LRRC4C: variants seen among roughly 807,000 people sequenced by gnomAD.
LRRC4C encodes the protein leucine rich repeat containing 4C.
In LRRC4C, 5 loss-of-function variants were observed where a neutral mutation model predicts 33.6. The ratio of observed to expected loss-of-function variants is 0.15; its 90% CI spans 0.08 to 0.31. The LOEUF (loss-of-function observed/expected upper bound fraction) is 0.31, where lower values mean the gene tolerates loss of function less well. Ranked by LOEUF, LRRC4C falls within the 10% of genes least tolerant of loss-of-function variation. The pLI, the probability that LRRC4C is intolerant of heterozygous loss-of-function variation, is 1.00. For missense variants in LRRC4C, 560 were observed against 796.7 expected (o/e 0.70, Z 3.58); for synonymous variants, 329 against 302.0 (o/e 1.09, Z -0.93).
intron 2 of LRRC4C, among the ~76,000 whole-genome samples, chr11:40,848,392 C>T (rs1953303623): frequency 2.0e-5 from 3 of 152,064 alleles, no homozygotes; most frequent in Admixed American, 1.3e-4. Flanking sequence ...TTTCGGTCTT[C>T]CTTTCATTAT....
chr11:40,761,282 T>C (rs1949198712), intron 2 of LRRC4C, among the ~76,000 whole-genome samples: 1 of 152,246 alleles, frequency 6.6e-6, no homozygotes, highest in South Asian at 2.1e-4. Flanking sequence ...AAAATTGCAG[T>C]GTTAACTATA....
chr11:40,625,982 C>T (rs1358512417), intron 3 of LRRC4C, among the ~76,000 whole-genome samples: 1 of 152,108 alleles, frequency 6.6e-6, no homozygotes, highest in Non-Finnish European at 1.5e-5. Context: ...TTGTGTCTGT[C>T]CTCTGCTCAA....
chr11:40,382,123 A>ATTTTTTTTTTTT (rs77934711), intron 3 of LRRC4C, among the ~76,000 whole-genome samples: 42 of 99,978 alleles, frequency 4.2e-4, no homozygotes, highest in Non-Finnish European at 5.4e-4. Flanking sequence ...TGCCCGGCTA[A>ATTTTTTTTTTTT]TTTTTTTTTT....
At chr11:40,939,527 C>G (rs989916209) in intron 1 of LRRC4C, among the ~76,000 whole-genome samples, 1 of 152,058 alleles carries the variant, frequency 6.6e-6, no homozygotes, top group Non-Finnish European at 1.5e-5. Flanking sequence ...ATTCAAGACA[C>G]AATAGTTAAC....
At chr11:40,839,651 G>C (rs982031271) in intron 2 of LRRC4C, among the ~76,000 whole-genome samples, 4 of 152,190 alleles carry the variant, frequency 2.6e-5, no homozygotes, top group Non-Finnish European at 4.4e-5. Flanking sequence ...CAAAGAAGGA[G>C]AGTCATTATT....
At chr11:41,448,079 C>G (rs1220241345) in intron 1 of LRRC4C, among the ~76,000 whole-genome samples, 2 of 135,276 alleles carry the variant, frequency 1.5e-5, no homozygotes, top group African/African-American at 2.8e-5. Flanking sequence ...TAAGGTTCTA[C>G]TGTATTTCAC....
At chr11:40,302,800 T>C (rs1944838142) in intron 4 of LRRC4C, among the ~76,000 whole-genome samples, 1 of 152,162 alleles carries the variant, frequency 6.6e-6, no homozygotes. Flanking sequence ...TTACTGTATA[T>C]TTAGAAAGGG....
intron 3 of LRRC4C, among the ~76,000 whole-genome samples, chr11:40,568,268 T>C (rs1473772892): frequency 3.9e-5 from 6 of 152,280 alleles, no homozygotes; most frequent in Middle Eastern, 3.4e-3. Context: ...AACTGATGTC[T>C]CCAACCATCA....
intron 2 of LRRC4C, among the ~76,000 whole-genome samples, chr11:40,787,775 C>G (rs1591720475): frequency 6.6e-6 from 1 of 152,292 alleles, no homozygotes; most frequent in East Asian, 1.9e-4. Context: ...TTGGAGCTAG[C>G]TGAGTGTAAA....
At chr11:40,777,125 G>A (rs577552345) in intron 2 of LRRC4C, among the ~76,000 whole-genome samples, 111 of 152,284 alleles carry the variant, frequency 7.3e-4, no homozygotes, top group African/African-American at 2.6e-3. Flanking sequence ...AATTTATTGC[G>A]ACTTGCTTTA....
chr11:40,965,248 A>T (rs1442104501), intron 1 of LRRC4C, among the ~76,000 whole-genome samples: 1 of 151,804 alleles, frequency 6.6e-6, no homozygotes, highest in African/African-American at 2.4e-5. Context: ...GTTTGAGTTC[A>T]TTGTAGATTC....
At chr11:41,126,903 A>G (rs1482330755) in intron 1 of LRRC4C, among the ~76,000 whole-genome samples, 1 of 152,132 alleles carries the variant, frequency 6.6e-6, no homozygotes, top group Non-Finnish European at 1.5e-5. Context: ...ACCAGCAAAA[A>G]AGTCAATCCA....
chr11:40,517,862 A>T (rs577279448), intron 3 of LRRC4C, among the ~76,000 whole-genome samples: 61 of 152,312 alleles, frequency 4.0e-4, no homozygotes, highest in Admixed American at 7.8e-4. Context: ...TTCAAACTAT[A>T]CTACAAGTCT....
At chr11:41,258,035 C>A (rs1948859182) in intron 1 of LRRC4C, among the ~76,000 whole-genome samples, 1 of 151,752 alleles carries the variant, frequency 6.6e-6, no homozygotes, top group Non-Finnish European at 1.5e-5. Flanking sequence ...ATATATAATT[C>A]TAAAACAAAA....
chr11:41,239,483 G>A (rs12290967), intron 1 of LRRC4C, among the ~76,000 whole-genome samples: 57,198 of 151,618 alleles, frequency 0.38, 11,618 homozygotes, highest in Non-Finnish European at 0.46. Context: ...TGGCCTTGTT[G>A]CTATGCTTTC....
intron 1 of LRRC4C, among the ~76,000 whole-genome samples, chr11:40,980,753 C>G (rs1351565619): frequency 1.3e-5 from 2 of 152,124 alleles, no homozygotes; most frequent in Non-Finnish European, 2.9e-5. Flanking sequence ...ACAGTATGTA[C>G]TACTCTTCAT....
chr11:40,872,393 T>C (rs940364843), intron 2 of LRRC4C, among the ~76,000 whole-genome samples: 1 of 152,162 alleles, frequency 6.6e-6, no homozygotes, highest in African/African-American at 2.4e-5. Flanking sequence ...GAGCTCATTA[T>C]TGGTCCATTT....
At chr11:41,311,570 A>G (rs1950643526) in intron 1 of LRRC4C, among the ~76,000 whole-genome samples, 1 of 152,212 alleles carries the variant, frequency 6.6e-6, no homozygotes, top group African/African-American at 2.4e-5. Context: ...ATTATGAATA[A>G]CTCATGCATA....
intron 3 of LRRC4C, among the ~76,000 whole-genome samples, chr11:40,633,221 T>C (rs2136031825): frequency 6.6e-6 from 1 of 152,232 alleles, no homozygotes; most frequent in African/African-American, 2.4e-5. Context: ...AATAGAAATA[T>C]ATATGTGTAT....
Sources: gnomAD v4.1 joint callset for allele counts (sites outside exome capture counted in the v4.1 genomes callset) on GRCh38, gnomAD v4.1.1 for gene constraint, MANE v1.5 for transcripts, NCBI Gene and HGNC (gene_info 2026-07-23, HGNC 2026-07-21) for gene names.